OSBP2: variants seen among roughly 807,000 people sequenced by gnomAD.
OSBP2 encodes the protein oxysterol binding protein 2.
In OSBP2, 66 loss-of-function variants were observed where a neutral mutation model predicts 96.0. The observed-to-expected ratio is 0.69, with a 90% CI of 0.56 to 0.84. The LOEUF (loss-of-function observed/expected upper bound fraction) is 0.84, where lower values mean the gene tolerates loss of function less well. Ranked by LOEUF, OSBP2 falls within the 40% of genes least tolerant of loss-of-function variation. OSBP2 has a pLI of 0.00. For synonymous variants in OSBP2, 525 were observed against 520.9 expected, an observed-to-expected ratio of 1.01 and a Z score of -0.11; for missense variants, 1,038 against 1,222.7, an observed-to-expected ratio of 0.85 and a Z score of 2.25.
chr22:30,833,878 C>T (rs556033083), intron 2 of OSBP2, among the ~76,000 whole-genome samples: 1 of 152,182 alleles, frequency 6.6e-6, no homozygotes, highest in Non-Finnish European at 1.5e-5. Context: ...GGCAGATCTT[C>T]TCTTATCAGT....
chr22:30,811,956 A>G (rs2091014002), intron 2 of OSBP2, among the ~76,000 whole-genome samples: 1 of 151,850 alleles, frequency 6.6e-6, no homozygotes. Flanking sequence ...TCCTGGCTCA[A>G]GGCATCCTCC....
chr22:30,764,436 C>T (rs762866211), intron 2 of OSBP2: 40 of 973,476 alleles, frequency 4.1e-5, no homozygotes, highest in Non-Finnish European at 4.6e-5. Context: ...TGGGTGTGAT[C>T]CCACTGAGGT....
At chr22:30,844,122 G>T (rs529411108) in intron 2 of OSBP2, among the ~76,000 whole-genome samples, 3 of 152,114 alleles carry the variant, frequency 2.0e-5, no homozygotes, top group East Asian at 1.9e-4. Context: ...CAATCTGCTC[G>T]CTTTGGCCTC....
At chr22:30,799,057 TTTCCTTCCTTCC>T (rs1159820708) in intron 2 of OSBP2, among the ~76,000 whole-genome samples, 3,698 of 120,286 alleles carry the variant, frequency 0.031, 82 homozygotes, top group African/African-American at 0.051. Flanking sequence ...CATGCAAAGG[TTTCCTTCCTTCC>T]TTCCTTCCTT....
chr22:30,870,569 C>T lies in OSBP2; in HGVS notation c.994C>T (p.Arg332Cys), dbSNP rs752859103. The change falls in exon 3 of 14, where the codon CGC (arginine) becomes TGC (cysteine). Residue 332 changes from arginine to cysteine, a missense_variant. Around this residue, in one of 3 missense-constraint regions of OSBP2, gnomAD observed 737 missense variants for 913.3 expected, o/e 0.81. Transcript: ENST00000332585. This position sits in a 1 kb window ranked among gnomAD's most constrained non-coding sequence, Gnocchi z 4.1. ...LIAKHGAALQRSLTELDGLKI... is the reference protein window; with the variant it reads ...LIAKHGAALQCSLTELDGLKI... ...CGCCAAGCACGGCGCTGCACTCCAGCGCTCCCTGACAGAGCTGGACGGCCT... is the reference window on the plus strand; with the variant it reads ...CGCCAAGCACGGCGCTGCACTCCAGTGCTCCCTGACAGAGCTGGACGGCCT... The T allele has an allele frequency of 6.2e-6, 10 of 1,613,884 alleles. No homozygotes were observed. In the East Asian group the frequency reaches 8.9e-5, roughly 14 times the overall value.
At chr22:30,820,844 C>A (rs1189183586) in intron 2 of OSBP2, among the ~76,000 whole-genome samples, 1 of 152,158 alleles carries the variant, frequency 6.6e-6, no homozygotes. Context: ...GAATCTAACT[C>A]AATTGTTAAG....
intron 3 of OSBP2, 64 bp from the exon 4 acceptor site, chr22:30,887,362 T>A: frequency 2.1e-6 from 3 of 1,424,930 alleles, no homozygotes; most frequent in Non-Finnish European, 2.9e-6. Context: ...CTGGTTCACA[T>A]GCCTCTGACA....
intron 2 of OSBP2, among the ~76,000 whole-genome samples, chr22:30,816,226 A>G (rs368942858): frequency 1.4e-4 from 22 of 152,344 alleles, no homozygotes; most frequent in African/African-American, 4.8e-4. Flanking sequence ...ACATTCTACA[A>G]TACATTCAAT....
chr22:30,827,171 T>C (rs2038422718), intron 2 of OSBP2, among the ~76,000 whole-genome samples: 1 of 152,042 alleles, frequency 6.6e-6, no homozygotes, highest in African/African-American at 2.4e-5. Flanking sequence ...AAAGGGGCCC[T>C]GCCAGTGGGT....
intron 2 of OSBP2, among the ~76,000 whole-genome samples, chr22:30,818,363 G>C (rs2091105483): frequency 6.6e-6 from 1 of 152,052 alleles, no homozygotes; most frequent in Non-Finnish European, 1.5e-5. Context: ...CCATGAAGTT[G>C]ATGAAAGAGT....
chr22:30,778,057 G>A (rs990601798), intron 2 of OSBP2, among the ~76,000 whole-genome samples: 4 of 151,752 alleles, frequency 2.6e-5, no homozygotes, highest in African/African-American at 9.7e-5. Context: ...GTGCAGTGGT[G>A]CAATCTCGGT....
At chr22:30,721,260 ACAAC>A (rs2089545541) in intron 1 of OSBP2, among the ~76,000 whole-genome samples, 1 of 152,084 alleles carries the variant, frequency 6.6e-6, no homozygotes, top group African/African-American at 2.4e-5. Flanking sequence ...AAACAAAAAA[ACAAC>A]AAACAAACAA....
chr22:30,816,376 T>G (rs1403722276), intron 2 of OSBP2, among the ~76,000 whole-genome samples: 2 of 152,134 alleles, frequency 1.3e-5, no homozygotes, highest in Non-Finnish European at 2.9e-5. Flanking sequence ...AAGTAGTATT[T>G]AGACTTCAAC....
chr22:30,820,932 C>T (rs1298744577), intron 2 of OSBP2, among the ~76,000 whole-genome samples: 1 of 152,178 alleles, frequency 6.6e-6, no homozygotes, highest in Non-Finnish European at 1.5e-5. Flanking sequence ...CACCACCTTC[C>T]CTGGGTCTAT....
At chr22:30,708,817 C>T (rs998395542) in intron 1 of OSBP2, among the ~76,000 whole-genome samples, 1 of 151,410 alleles carries the variant, frequency 6.6e-6, no homozygotes, top group African/African-American at 2.4e-5. Flanking sequence ...AACATATCCA[C>T]AGGCCAGGGG....
At chr22:30,902,693 C>T (rs568843910) in intron 12 of OSBP2, 21 of 530,914 alleles carry the variant, frequency 4.0e-5, no homozygotes, top group African/African-American at 2.5e-4. Flanking sequence ...AATGTTGTGA[C>T]GCCCCTCAAT....
At position 30,821,599 on chromosome 22, in the gene OSBP2, G is replaced by A. The variant is rs538729827; in HGVS notation, c.854-48830G>A. Reference sequence around the variant, plus strand: ...TGGGGGATGGGGGTGCGGGGATAGGGAAGCTCAGATTTGGACAGTTGGGTT... The same window carrying A: ...TGGGGGATGGGGGTGCGGGGATAGGAAAGCTCAGATTTGGACAGTTGGGTT... On this transcript the variant is annotated intron_variant, in intron 2 of 13. Coordinates refer to ENST00000332585, the MANE Select transcript of OSBP2 (RefSeq NM_030758.4). Among the ~76,000 whole-genome samples, 239 of 152,244 alleles carry A rather than the reference G, an allele frequency of 1.6e-3. 1 individual carries two copies. The highest frequency in any genetic ancestry group is 2.7e-3 in the Non-Finnish European group (182 of 68,014).
intron 2 of OSBP2, among the ~76,000 whole-genome samples, chr22:30,760,002 C>G (rs930303226): frequency 6.6e-6 from 1 of 152,040 alleles, no homozygotes; most frequent in Non-Finnish European, 1.5e-5. Context: ...GCTGGGATTA[C>G]AGGCATGTGC....
intron 2 of OSBP2, among the ~76,000 whole-genome samples, chr22:30,853,544 T>C (rs1392683447): frequency 6.6e-6 from 1 of 152,144 alleles, no homozygotes; most frequent in African/African-American, 2.4e-5. Context: ...TTTAAAGGAG[T>C]TTTATTCTTG....
Sources: gnomAD v4.1 joint callset for allele counts (sites outside exome capture counted in the v4.1 genomes callset) on GRCh38, gnomAD v4.1.1 for gene constraint, gnomAD v4.1.1 regional missense constraint, Gnocchi (gnomAD v3.1) non-coding constraint, MANE v1.5 for transcripts, NCBI Gene and HGNC (gene_info 2026-07-23, HGNC 2026-07-21) for gene names.